Variants in SMARCA2 observed in about 807,000 individuals in gnomAD.
SMARCA2 encodes SWI/SNF related BAF chromatin remodeling complex subunit ATPase 2.
Under a neutral mutation model 199.8 loss-of-function variants are expected in SMARCA2, and 61 were observed. The ratio of observed to expected loss-of-function variants is 0.31; its 90% confidence interval spans 0.25 to 0.38. SMARCA2 has a LOEUF of 0.38. Among genes scored for constraint, SMARCA2 ranks in the 10% least tolerant of loss-of-function variants. The probability of loss-of-function intolerance (pLI) is 1.00; values close to 1 mark genes in which losing one functional copy is unlikely to be tolerated. For synonymous variants in SMARCA2, 935 were observed against 732.0 expected, an observed-to-expected ratio of 1.28 and a Z score of -4.48; for missense variants, 1,344 against 2,012.2, an observed-to-expected ratio of 0.67 and a Z score of 6.35.
chr9:2,142,874 A>G lies in SMARCA2; in HGVS notation c.3982-18812A>G, dbSNP rs76345913. Among the ~76,000 whole-genome samples the G allele has an allele frequency of 3.2e-3, 485 of 152,294 alleles. 2 individuals are homozygous for G. The highest frequency in any genetic ancestry group is 0.011 in the African/African-American group (464 of 41,570). ...GTCATCCTGAGAAAGCAGAGGGGTA[A>G]ACAATAAAGACTTAATTGTATCTCA... On this transcript the variant is annotated intron_variant, in intron 27 of 33. Coordinates refer to ENST00000349721, the MANE Select transcript of SMARCA2 (RefSeq NM_003070.5).
intron 12 of SMARCA2, 104 bp from the exon 13 acceptor site, chr9:2,076,125 C>T (rs1363665507): frequency 2.9e-6 from 2 of 682,342 alleles, no homozygotes; most frequent in East Asian, 5.3e-5. Flanking sequence ...GATCTTACTT[C>T]ATTTGTGAAG....
At chr9:2,159,678 C>G (rs41314207) in intron 27 of SMARCA2, 134 of 1,095,532 alleles carry the variant, frequency 1.2e-4, no homozygotes, top group Non-Finnish European at 1.7e-4. Flanking sequence ...AGGAAGCCTT[C>G]GGGCCTTGTA....
Position 2,179,562 on chromosome 9 carries a change from G to C in SMARCA2, c.4254-2009G>C, listed in dbSNP as rs544592293. On this transcript the variant is annotated intron_variant, in intron 29 of 33. Coordinates refer to ENST00000349721, the MANE Select transcript of SMARCA2 (RefSeq NM_003070.5). ...CTCCTTATGGGGTTTAGAATTTTTA[G>C]GGTCTTACTGAAGACAGAGATGTCA... Among the ~76,000 whole-genome samples, 8 of 152,274 alleles carry C rather than the reference G, an allele frequency of 5.3e-5. No individual in the cohort carries two copies. In the East Asian group the frequency reaches 1.5e-3, roughly 29 times the overall value.
chr9:2,076,170 A>G, intron 12 of SMARCA2, 59 bp from the exon 13 acceptor site: 1 of 936,454 alleles, frequency 1.1e-6, no homozygotes, highest in Non-Finnish European at 1.7e-6. Flanking sequence ...AGAAAATGTC[A>G]ATCATAGAGA....
chr9:2,063,536 T>C (rs988426448), intron 9 of SMARCA2, among the ~76,000 whole-genome samples: 9 of 152,190 alleles, frequency 5.9e-5, no homozygotes, highest in African/African-American at 2.2e-4. Flanking sequence ...TAACAAATAC[T>C]TCAATAAACC....
chr9:2,170,895 G>A lies in SMARCA2; in HGVS notation c.4253+423G>A, dbSNP rs189465214. Among the ~76,000 whole-genome samples, 2 of 152,314 alleles carry A rather than the reference G, an allele frequency of 1.3e-5. No individual in the cohort carries two copies. Among genetic ancestry groups the A allele is most frequent in the African/African-American group, 2.4e-5 (1 of 41,572 alleles). On this transcript the variant is annotated intron_variant, in intron 29 of 33. Transcript: ENST00000349721. The surrounding 1 kb of genome is among the most constrained non-coding windows in gnomAD (Gnocchi z 4.7). ...AGTGACTTGATCTCCTGCGAGACAT[G>A]AAGAAGCGTGCATGTTCACGCTGTG...
At chr9:2,188,366 A>G (rs1827638159) in intron 32 of SMARCA2, among the ~76,000 whole-genome samples, 1 of 151,674 alleles carries the variant, frequency 6.6e-6, no homozygotes, top group Non-Finnish European at 1.5e-5. Context: ...TGGAGTTTCC[A>G]TTCTTGCCCT....
rs765280922 is a variant in SMARCA2 at position 2,056,661 on chromosome 9, C to G, written c.1174-11C>G. The G allele has an allele frequency of 3.1e-6, 5 of 1,611,502 alleles. No individual in the cohort carries two copies. The highest frequency in any genetic ancestry group is 4.2e-6 in the Non-Finnish European group (5 of 1,179,056). On this transcript the variant is annotated splice_polypyrimidine_tract_variant and intron_variant, in intron 6 of 33. Transcript: ENST00000349721. This position sits in a 1 kb window ranked among gnomAD's most constrained non-coding sequence, Gnocchi z 4.0. ...TTAGGGAAGGCTGTCTAACTGCTCTCTTCTTGACAGCTGAGACAGGAGGTG... is the reference window on the plus strand; with the variant it reads ...TTAGGGAAGGCTGTCTAACTGCTCTGTTCTTGACAGCTGAGACAGGAGGTG...
intron 27 of SMARCA2, among the ~76,000 whole-genome samples, chr9:2,129,977 C>T (rs927803122): frequency 2.6e-5 from 4 of 152,132 alleles, no homozygotes; most frequent in Non-Finnish European, 5.9e-5. Context: ...CCTCAGCCTC[C>T]TGAGTACCTA....
At chr9:2,097,227 C>A in intron 20 of SMARCA2, 158 bp from the exon 21 acceptor site, 1 of 553,750 alleles carries the variant, frequency 1.8e-6, no homozygotes, top group Non-Finnish European at 3.2e-6. Context: ...AACTCAGGAA[C>A]TGCTATATAA....
chr9:2,070,300 G>T, intron 9 of SMARCA2, 118 bp from the exon 10 acceptor site: 1 of 798,158 alleles, frequency 1.3e-6, no homozygotes. Flanking sequence ...TAACACTTAA[G>T]CTGTGTTAGA....
intron 27 of SMARCA2, among the ~76,000 whole-genome samples, chr9:2,145,472 C>T (rs1377940579): frequency 1.3e-5 from 2 of 151,966 alleles, no homozygotes; most frequent in East Asian, 1.9e-4. Flanking sequence ...TATTAATGTC[C>T]TTCTGGGTGC....
chr9:2,178,335 C>T (rs1000621927), intron 29 of SMARCA2, among the ~76,000 whole-genome samples: 4 of 152,138 alleles, frequency 2.6e-5, no homozygotes, highest in Admixed American at 6.5e-5. Flanking sequence ...TAGATCATTA[C>T]GTAAAATCCA....
At chr9:2,066,437 C>T (rs1405307349) in intron 9 of SMARCA2, among the ~76,000 whole-genome samples, 1 of 152,162 alleles carries the variant, frequency 6.6e-6, no homozygotes, top group African/African-American at 2.4e-5. Context: ...ATGCACATAC[C>T]TTTGCTTGTG....
chr9:2,088,059 C>G (rs573549844), intron 18 of SMARCA2, among the ~76,000 whole-genome samples: 1 of 152,350 alleles, frequency 6.6e-6, no homozygotes, highest in South Asian at 2.1e-4. Context: ...TATGTTCAAG[C>G]CCCTGTTCCT....
chr9:2,119,589 C>T lies in SMARCA2; in HGVS notation c.3762+54C>T. 1 of 1,242,524 alleles carries T rather than the reference C, an allele frequency of 8.0e-7. No individual in the cohort carries two copies. The highest frequency in any genetic ancestry group is 1.2e-5 in the South Asian group (1 of 82,674). The allele number at this position is 1,242,524 out of a possible 1,614,324, so 77.0% of individuals were successfully genotyped here. On this transcript the variant is annotated intron_variant, in intron 26 of 33. Coordinates refer to ENST00000349721, the MANE Select transcript of SMARCA2 (RefSeq NM_003070.5). This position sits in a 1 kb window ranked among gnomAD's most constrained non-coding sequence, Gnocchi z 4.6. ...ATGCTTTATACCTCTGCCCCTTTTT[C>T]TGTTAAGCAGAATGTCTGCAGCCTG...
intron 5 of SMARCA2, among the ~76,000 whole-genome samples, chr9:2,051,465 C>G (rs1479572669): frequency 6.6e-6 from 1 of 152,214 alleles, no homozygotes; most frequent in Non-Finnish European, 1.5e-5. Context: ...CACCCCCCAT[C>G]TCCTCATTTC....
intron 19 of SMARCA2, among the ~76,000 whole-genome samples, chr9:2,094,686 C>T (rs532124424): frequency 3.9e-5 from 6 of 152,310 alleles, no homozygotes; most frequent in South Asian, 4.1e-4. Flanking sequence ...AGCTAAACCT[C>T]TGTGGTGCTC....
intron 27 of SMARCA2, among the ~76,000 whole-genome samples, chr9:2,137,880 T>C (rs1824277987): frequency 6.6e-6 from 1 of 152,190 alleles, no homozygotes; most frequent in Non-Finnish European, 1.5e-5. Flanking sequence ...TTTTTGTAAC[T>C]AAGATGAGTC....
Sources: gnomAD v4.1 joint callset for allele counts (sites outside exome capture counted in the v4.1 genomes callset) on GRCh38, gnomAD v4.1.1 for gene constraint, Gnocchi (gnomAD v3.1) non-coding constraint, MANE v1.5 for transcripts, NCBI Gene and HGNC (gene_info 2026-07-23, HGNC 2026-07-21) for gene names.